Variants in ADAM12 observed in about 807,000 individuals in gnomAD.
ADAM12 encodes the protein disintegrin and metalloproteinase domain-containing protein 12.
ADAM12 carries 70 observed loss-of-function variants against 106.4 expected under a neutral mutation model. That is an observed-to-expected ratio of 0.66 (90% CI 0.54 to 0.80). The LOEUF (loss-of-function observed/expected upper bound fraction) is 0.80. Among genes scored for constraint, ADAM12 ranks in the 30% least tolerant of loss-of-function variants. The probability of loss-of-function intolerance (pLI) is 0.00; values close to 1 mark genes in which losing one functional copy is unlikely to be tolerated. For missense variants in ADAM12, 1,010 were observed against 1,171.9 expected (o/e 0.86, Z 2.02); for synonymous variants, 420 against 433.5 (o/e 0.97, Z 0.39).
chr10:126,168,780 G>GC (rs146434911), intron 3 of ADAM12, among the ~76,000 whole-genome samples: 4,224 of 152,200 alleles, frequency 0.028, 218 homozygotes, highest in African/African-American at 0.097. Context: ...ACGGCCAGGC[G>GC]CGGTGGCTCA....
chr10:126,103,053 A>G (rs978396552), intron 8 of ADAM12, among the ~76,000 whole-genome samples: 1 of 152,162 alleles, frequency 6.6e-6, no homozygotes, highest in Admixed American at 6.6e-5. Context: ...GCCTCCCAGG[A>G]GTGTTGCATG....
intron 2 of ADAM12, among the ~76,000 whole-genome samples, chr10:126,311,779 G>A (rs190880587): frequency 6.6e-5 from 10 of 152,260 alleles, no homozygotes; most frequent in Admixed American, 3.9e-4. Context: ...CCACGCTCAG[G>A]ACCCTCTAGA....
chr10:126,099,766 A>AGT (rs1342392634), intron 9 of ADAM12, among the ~76,000 whole-genome samples: 1 of 152,222 alleles, frequency 6.6e-6, no homozygotes, highest in Non-Finnish European at 1.5e-5. Flanking sequence ...CATTTTCTGA[A>AGT]GTGACAATGG....
intron 2 of ADAM12, among the ~76,000 whole-genome samples, chr10:126,286,284 G>A (rs888735989): frequency 1.3e-5 from 2 of 152,010 alleles, no homozygotes; most frequent in Non-Finnish European, 2.9e-5. Context: ...CAGCAGGTCT[G>A]GCAGGCAGGA....
At chr10:126,128,638 GGT>G (rs1297675060) in intron 5 of ADAM12, among the ~76,000 whole-genome samples, 44 of 149,232 alleles carry the variant, frequency 2.9e-4, no homozygotes, top group Middle Eastern at 7.2e-3. Context: ...GTGAGTGTGT[GGT>G]GTGCATGTGG....
In ADAM12 at chr10:126,286,078, A is replaced by C. The variant is rs753120988; in HGVS notation, c.187-7090T>G. On this transcript the variant is annotated intron_variant, in intron 2 of 22. Coordinates refer to ENST00000448723, the MANE Select transcript of ADAM12 (RefSeq NM_001288973.2). ...CTTGACTTTAAATCATTTCACCCAT[A>C]ATGAACACAAAATACCTCGAGTCCA... Among the ~76,000 whole-genome samples the C allele has an allele frequency of 4.3e-4, 65 of 151,576 alleles. 1 individual carries two copies. The highest frequency in any genetic ancestry group is 6.6e-4 in the Admixed American group (10 of 15,220).
intron 12 of ADAM12, among the ~76,000 whole-genome samples, chr10:126,068,181 G>C (rs1954911806): frequency 1.3e-5 from 2 of 152,122 alleles, no homozygotes; most frequent in Admixed American, 1.3e-4. Flanking sequence ...AATTCTAAAA[G>C]AGTTTAGGAA....
intron 10 of ADAM12, among the ~76,000 whole-genome samples, chr10:126,096,004 TTCTG>T (rs1267839460): frequency 6.6e-6 from 1 of 152,170 alleles, no homozygotes; most frequent in Non-Finnish European, 1.5e-5. Context: ...ACAATGAGGC[TTCTG>T]TCTAAGAAAA....
At chr10:126,105,143 A>G (rs1955740860) in intron 8 of ADAM12, among the ~76,000 whole-genome samples, 1 of 152,024 alleles carries the variant, frequency 6.6e-6, no homozygotes, top group Non-Finnish European at 1.5e-5. Context: ...AGGCCGGCAA[A>G]CTCCACGGAG....
chr10:126,155,396 G>T, intron 3 of ADAM12, 91 bp from the exon 4 acceptor site: 3 of 1,150,742 alleles, frequency 2.6e-6, no homozygotes, highest in South Asian at 3.0e-5. Flanking sequence ...TAGCAAGATT[G>T]TGACCTCCTT....
chr10:126,122,717 G>A (rs534368653), intron 5 of ADAM12, among the ~76,000 whole-genome samples: 13 of 152,248 alleles, frequency 8.5e-5, no homozygotes, highest in African/African-American at 2.9e-4. Context: ...GCCGAGATGT[G>A]CCACTGTACT....
intron 1 of ADAM12, among the ~76,000 whole-genome samples, chr10:126,361,673 A>T (rs1564755647): frequency 6.6e-6 from 1 of 152,234 alleles, no homozygotes; most frequent in East Asian, 1.9e-4. Context: ...GGTGCCAAGG[A>T]TACATGATAG....
intron 21 of ADAM12, among the ~76,000 whole-genome samples, chr10:126,034,796 T>C (rs1055789027): frequency 6.6e-6 from 1 of 152,118 alleles, no homozygotes; most frequent in African/African-American, 2.4e-5. Flanking sequence ...TTGTGAAATA[T>C]CATTCATGAT....
intron 3 of ADAM12, among the ~76,000 whole-genome samples, chr10:126,222,104 G>A (rs1418156891): frequency 6.6e-6 from 1 of 152,176 alleles, no homozygotes; most frequent in Non-Finnish European, 1.5e-5. Flanking sequence ...CGTGAACATA[G>A]GCATTACACG....
At chr10:126,198,674 G>T (rs932832910) in intron 3 of ADAM12, among the ~76,000 whole-genome samples, 13 of 152,174 alleles carry the variant, frequency 8.5e-5, no homozygotes, top group African/African-American at 3.1e-4. Context: ...TGCCTGGCAC[G>T]CATCCTTGCA....
chr10:126,370,541 T>C (rs1296188195), intron 1 of ADAM12, among the ~76,000 whole-genome samples: 2 of 152,126 alleles, frequency 1.3e-5, no homozygotes, highest in East Asian at 3.9e-4. Context: ...GCCCTGCAAA[T>C]GGGTCTCCAG....
At chr10:126,168,686 C>T (rs1331912759) in intron 3 of ADAM12, among the ~76,000 whole-genome samples, 2 of 152,140 alleles carry the variant, frequency 1.3e-5, no homozygotes, top group African/African-American at 4.8e-5. Flanking sequence ...GTTTTTAAAA[C>T]GAAAACGGAT....
intron 3 of ADAM12, among the ~76,000 whole-genome samples, chr10:126,211,716 C>T (rs1253351068): frequency 6.6e-6 from 1 of 152,112 alleles, no homozygotes; most frequent in Admixed American, 6.5e-5. Context: ...GCCTCCTGGA[C>T]CATGTGATGC....
At chr10:126,099,412 A>G (rs1236226554) in intron 9 of ADAM12, among the ~76,000 whole-genome samples, 3 of 129,982 alleles carry the variant, frequency 2.3e-5, no homozygotes, top group East Asian at 4.4e-4. Flanking sequence ...CTCTCTATCC[A>G]CCTATCCCAC....
Sources: gnomAD v4.1 joint callset for allele counts (sites outside exome capture counted in the v4.1 genomes callset) on GRCh38, gnomAD v4.1.1 for gene constraint, MANE v1.5 for transcripts, NCBI Gene and HGNC (gene_info 2026-07-23, HGNC 2026-07-21) for gene names.